Variants in PRSS3 observed in about 807,000 individuals in gnomAD.
The protein encoded by PRSS3 is trypsin-3.
A neutral mutation model predicts 20.8 loss-of-function variants in PRSS3; 14 were observed. The ratio of observed to expected loss-of-function variants is 0.67; its 90% CI spans 0.44 to 1.05. PRSS3 has a LOEUF of 1.05. Ranked by LOEUF, PRSS3 falls within the 50% of genes least tolerant of loss-of-function variation. PRSS3 has a pLI of 0.00. For synonymous variants in PRSS3, 91 were observed against 117.6 expected (o/e 0.77, Z 1.46); for missense variants, 237 against 306.4 (o/e 0.77, Z 1.69).
chr9:33,778,231 T>C (rs1824027288), intron 1 of PRSS3, among the ~76,000 whole-genome samples: 1 of 152,146 alleles, frequency 6.6e-6, no homozygotes, highest in Non-Finnish European at 1.5e-5. Context: ...ACCAACAGCT[T>C]ATGTCACACT....
chr9:33,789,904 C>T lies in PRSS3; in HGVS notation c.-52-4842C>T, dbSNP rs376848391. On this transcript the variant is annotated intron_variant, in intron 1 of 5. Coordinates refer to the PRSS3 transcript ENST00000342836. ...AACCTTAACAAGTTACACAATTTCT[C>T]CATGCCTTAATTTCTCCATAGAAAA... Among the ~76,000 whole-genome samples the T allele has an allele frequency of 4.6e-5, 7 of 152,162 alleles. No individual in the cohort carries two copies. In the South Asian group the frequency reaches 1.0e-3, roughly 23 times the overall value.
chr9:33,785,495 C>T (rs1010565123), intron 1 of PRSS3, among the ~76,000 whole-genome samples: 1 of 152,124 alleles, frequency 6.6e-6, no homozygotes, highest in African/African-American at 2.4e-5. Flanking sequence ...TCAAGTTTTA[C>T]ACAGGCATGA....
At chr9:33,774,303 C>T (rs1823827082) in intron 1 of PRSS3, among the ~76,000 whole-genome samples, 1 of 152,130 alleles carries the variant, frequency 6.6e-6, no homozygotes, top group African/African-American at 2.4e-5. Flanking sequence ...AGAAATATAG[C>T]CCATCCCCAT....
rs547532068 is a variant in PRSS3, at chr9:33,767,932, C to T, written c.-53+17205C>T. On this transcript the variant is annotated intron_variant, in intron 1 of 5. Transcript: ENST00000342836. The stretch of plus-strand genomic sequence containing the variant: ...CCCAGGAGAGAGGCCTCAGAAGAAA[C>T]CCATTCTGCCAACGCATTGGTCTCA... Among the ~76,000 whole-genome samples, 9 of 152,308 alleles carry T rather than the reference C, an allele frequency of 5.9e-5. No individual in the cohort carries two copies. The South Asian group carries it at 1.7e-3, about 28-fold the overall frequency.
At chr9:33,775,477 C>T (rs1251773491) in intron 1 of PRSS3, among the ~76,000 whole-genome samples, 1 of 152,134 alleles carries the variant, frequency 6.6e-6, no homozygotes, top group Non-Finnish European at 1.5e-5. Context: ...AAGCAGCAGG[C>T]CAACCAGGAA....
At chr9:33,777,569 G>A (rs1823990956) in intron 1 of PRSS3, among the ~76,000 whole-genome samples, 1 of 150,272 alleles carries the variant, frequency 6.7e-6, no homozygotes, top group African/African-American at 2.4e-5. Context: ...CGGGCGAGGT[G>A]GTGGGTACCT....
rs185514588 is a variant in PRSS3, at chr9:33,756,336, A to T, written c.-53+5609A>T. 2.6e-5 allele frequency among the ~76,000 whole-genome samples: 4 copies of T among 151,842 alleles called. No homozygotes were observed. The East Asian group carries it at 7.7e-4, about 29-fold the overall frequency. ...ATTTGTAGGGTTTTCTTTGTTGTTC[A>T]TATTCTGATATTTCATGATGCTGTT... On this transcript the variant is annotated intron_variant, in intron 1 of 5. Transcript: ENST00000342836.
rs2119138660 is a variant in PRSS3, at chr9:33,798,031, G to C, written c.403G>C (p.Ala135Pro). The change falls in exon 3 of 5, where the codon GCT becomes CCT. Residue 135 changes from alanine (A) to proline (P), a missense_variant. By Grantham distance (27) the Ala-to-Pro change is conservative. Transcript: ENST00000379405. The stretch of plus-strand genomic sequence containing the variant: ...CTCTCTGCCCACCACCCCTCCAGCT[G>C]CTGGCACTGAGTGCCTCATCTCCGG... The part of the protein sequence containing the change: ...TISLPTTPPA[A>P]GTECLISGWG... 6.2e-7 allele frequency: 1 copy of C among 1,614,298 alleles called. No individual in the cohort carries two copies.
chr9:33,771,783 T>C (rs1823717603), intron 1 of PRSS3, among the ~76,000 whole-genome samples: 2 of 150,832 alleles, frequency 1.3e-5, no homozygotes, highest in African/African-American at 4.9e-5. Context: ...TAATTTTTTT[T>C]CTTTTCTTTT....
chr9:33,781,215 T>G (rs1824169698), intron 1 of PRSS3, among the ~76,000 whole-genome samples: 1 of 152,194 alleles, frequency 6.6e-6, no homozygotes, highest in Non-Finnish European at 1.5e-5. Context: ...AACTAGATCA[T>G]TATACCAAAA....
intron 1 of PRSS3, among the ~76,000 whole-genome samples, chr9:33,761,066 C>T (rs1823176307): frequency 1.3e-5 from 2 of 152,244 alleles, no homozygotes; most frequent in South Asian, 2.1e-4. Context: ...GCTACCAGTA[C>T]GTCCCAGGAC....
upstream of PRSS3, among the ~76,000 whole-genome samples, chr9:33,794,161 C>A (rs552468228): frequency 3.9e-5 from 6 of 152,290 alleles, no homozygotes; most frequent in South Asian, 1.2e-3. Flanking sequence ...CCTCTAGCCC[C>A]CTGGCCATGT....
chr9:33,788,807 C>T (rs1824515073), intron 1 of PRSS3, among the ~76,000 whole-genome samples: 1 of 152,118 alleles, frequency 6.6e-6, no homozygotes, highest in Non-Finnish European at 1.5e-5. Context: ...TTCTTTCATA[C>T]TATCATCTAG....
chr9:33,780,150 T>C (rs959513797), intron 1 of PRSS3, among the ~76,000 whole-genome samples: 1 of 151,718 alleles, frequency 6.6e-6, no homozygotes, highest in Non-Finnish European at 1.5e-5. Flanking sequence ...GAAAAAAAAA[T>C]TCTAAAGGCA....
intron 1 of PRSS3, among the ~76,000 whole-genome samples, chr9:33,766,420 A>C (rs1823424415): frequency 6.6e-6 from 1 of 150,800 alleles, no homozygotes; most frequent in Non-Finnish European, 1.5e-5. Context: ...AAAAATACAA[A>C]AAATTAGCCG....
chr9:33,757,532 G>A (rs757787360), intron 1 of PRSS3, among the ~76,000 whole-genome samples: 2 of 149,864 alleles, frequency 1.3e-5, no homozygotes, highest in Non-Finnish European at 3.0e-5. Flanking sequence ...CAGATACTAC[G>A]TTTGATAGGA....
chr9:33,777,634 G>C (rs1823995137), intron 1 of PRSS3, among the ~76,000 whole-genome samples: 1 of 151,042 alleles, frequency 6.6e-6, no homozygotes, highest in South Asian at 2.1e-4. Flanking sequence ...CGTGAACCCG[G>C]GAGGCGGAGC....
chr9:33,758,387 C>A (rs1346438891), intron 1 of PRSS3, among the ~76,000 whole-genome samples: 6 of 152,130 alleles, frequency 3.9e-5, no homozygotes, highest in Admixed American at 3.3e-4. Flanking sequence ...CTATGGGAGG[C>A]TTTAGAACAG....
At chr9:33,763,219 C>T (rs988999580) in intron 1 of PRSS3, among the ~76,000 whole-genome samples, 2 of 152,344 alleles carry the variant, frequency 1.3e-5, no homozygotes, top group Admixed American at 6.5e-5. Context: ...TTTTCTAACT[C>T]AGCCTTCCTC....
Sources: gnomAD v4.1 joint callset for allele counts (sites outside exome capture counted in the v4.1 genomes callset) on GRCh38, gnomAD v4.1.1 for gene constraint, MANE v1.5 for transcripts, NCBI Gene and HGNC (gene_info 2026-07-23, HGNC 2026-07-21) for gene names.